Variants in AUTS2 observed in about 807,000 individuals in gnomAD.
The protein encoded by AUTS2 is autism susceptibility gene 2 protein.
In AUTS2, 17 loss-of-function variants were observed where a neutral mutation model predicts 112.4. The ratio of observed to expected loss-of-function variants is 0.15; its 90% CI spans 0.10 to 0.23. The LOEUF (loss-of-function observed/expected upper bound fraction) is 0.23, where lower values mean the gene tolerates loss of function less well. AUTS2 is among the 10% of genes least tolerant of loss of function. AUTS2 has a pLI of 1.00. For synonymous variants in AUTS2, 751 were observed against 702.7 expected (o/e 1.07, Z -1.09); for missense variants, 1,510 against 1,701.6 (o/e 0.89, Z 1.98).
intron 6 of AUTS2, among the ~76,000 whole-genome samples, chr7:70,734,482 A>G (rs1787663630): frequency 6.6e-6 from 1 of 151,872 alleles, no homozygotes; most frequent in South Asian, 2.1e-4. Context: ...AAATATTAGT[A>G]TGGGGATACA....
intron 4 of AUTS2, among the ~76,000 whole-genome samples, chr7:70,308,006 AAAT>A (rs910473268): frequency 6.6e-6 from 1 of 152,222 alleles, no homozygotes; most frequent in African/African-American, 2.4e-5. Flanking sequence ...ATGTTGCTAA[AAAT>A]AACTTTTGCT....
At chr7:69,861,198 C>T (rs188027695) in intron 1 of AUTS2, among the ~76,000 whole-genome samples, 1 of 152,268 alleles carries the variant, frequency 6.6e-6, no homozygotes, top group East Asian at 1.9e-4. Context: ...GCTGCTCTCC[C>T]CTTACCCCCT....
intron 2 of AUTS2, among the ~76,000 whole-genome samples, chr7:70,013,651 A>G (rs1799901042): frequency 6.6e-6 from 1 of 152,302 alleles, no homozygotes; most frequent in East Asian, 1.9e-4. Flanking sequence ...ATAGCTGAAG[A>G]CCATCTAGTA....
At chr7:70,331,537 T>C (rs547458895) in intron 4 of AUTS2, among the ~76,000 whole-genome samples, 22 of 143,994 alleles carry the variant, frequency 1.5e-4, no homozygotes, top group Non-Finnish European at 2.9e-4. Context: ...TTTTGAAGGG[T>C]TTTTCATGTC....
chr7:69,923,401 G>C (rs1186778771), intron 2 of AUTS2, among the ~76,000 whole-genome samples: 1 of 152,098 alleles, frequency 6.6e-6, no homozygotes, highest in African/African-American at 2.4e-5. Context: ...TTTGTAGTAA[G>C]TTTTGAAGTG....
chr7:70,182,218 C>T (rs1299613811), intron 4 of AUTS2, among the ~76,000 whole-genome samples: 2 of 152,196 alleles, frequency 1.3e-5, no homozygotes, highest in African/African-American at 4.8e-5. Context: ...CAAGAACCAT[C>T]CTAGCTTAAC....
chr7:70,562,917 A>G (rs1801550359), intron 5 of AUTS2, among the ~76,000 whole-genome samples: 1 of 152,186 alleles, frequency 6.6e-6, no homozygotes, highest in African/African-American at 2.4e-5. Context: ...AAATGTTGAC[A>G]TGGAGAAGAG....
At chr7:70,208,099 G>A (rs544176954) in intron 4 of AUTS2, among the ~76,000 whole-genome samples, 57 of 150,460 alleles carry the variant, frequency 3.8e-4, no homozygotes, top group Admixed American at 8.0e-4. Flanking sequence ...TATTGTATCT[G>A]CTTTCTACAC....
At chr7:70,444,373 T>TGTGTGTGTGA (rs372696006) in intron 5 of AUTS2, among the ~76,000 whole-genome samples, 145 of 142,492 alleles carry the variant, frequency 1.0e-3, no homozygotes, top group Non-Finnish European at 1.7e-3. Context: ...TGTGTGTGTG[T>TGTGTGTGTGA]GAGAGAGAGA....
intron 4 of AUTS2, among the ~76,000 whole-genome samples, chr7:70,230,641 C>G (rs1032329756): frequency 3.9e-5 from 6 of 152,240 alleles, no homozygotes; most frequent in African/African-American, 1.2e-4. Context: ...TCTGCAGGCT[C>G]TCTGAGCAAG....
chr7:70,603,488 G>A (rs985082576), intron 5 of AUTS2, among the ~76,000 whole-genome samples: 1 of 152,192 alleles, frequency 6.6e-6, no homozygotes, highest in East Asian at 1.9e-4. Context: ...TGGCACCCTG[G>A]CCTCTGTGCT....
chr7:70,116,096 T>C lies in AUTS2; in HGVS notation c.523-2036T>C, dbSNP rs62458801. On this transcript the variant is annotated intron_variant, in intron 2 of 18. Transcript: ENST00000342771. ...GACAATATTCTGAGCTTTTATTCCA[T>C]AGTAATAACAAAAGCCTCATACAAC... Among the ~76,000 whole-genome samples, 480 of 152,322 alleles carry C rather than the reference T, an allele frequency of 3.2e-3. 3 individuals are homozygous for C. The highest frequency in any genetic ancestry group is 5.2e-3 in the South Asian group (25 of 4,826).
chr7:69,909,147 T>C (rs905730186), intron 2 of AUTS2, among the ~76,000 whole-genome samples: 2 of 152,264 alleles, frequency 1.3e-5, no homozygotes, highest in African/African-American at 4.8e-5. Flanking sequence ...AAATTAATTT[T>C]ATCAATAATT....
intron 2 of AUTS2, among the ~76,000 whole-genome samples, chr7:70,086,268 C>T (rs537698869): frequency 2.0e-5 from 3 of 152,142 alleles, no homozygotes; most frequent in Non-Finnish European, 4.4e-5. Context: ...AAATTGATAT[C>T]TTAGCAGTAT....
intron 1 of AUTS2, among the ~76,000 whole-genome samples, chr7:69,671,081 A>G (rs1796299817): frequency 6.6e-6 from 1 of 152,214 alleles, no homozygotes; most frequent in Non-Finnish European, 1.5e-5. Context: ...GCAAAGTATA[A>G]AAAGAAATGT....
intron 2 of AUTS2, among the ~76,000 whole-genome samples, chr7:70,080,935 C>T (rs1803273966): frequency 6.6e-6 from 1 of 152,158 alleles, no homozygotes; most frequent in Non-Finnish European, 1.5e-5. Context: ...TCATTAGGAC[C>T]TCAGCAAGGC....
At chr7:70,005,757 A>G (rs1197640586) in intron 2 of AUTS2, among the ~76,000 whole-genome samples, 9 of 152,212 alleles carry the variant, frequency 5.9e-5, no homozygotes, top group Non-Finnish European at 1.2e-4. Context: ...GAAGCCTGAA[A>G]CAGGGAGATT....
intron 2 of AUTS2, among the ~76,000 whole-genome samples, chr7:70,090,940 A>C (rs1489878145): frequency 6.6e-6 from 1 of 152,056 alleles, no homozygotes; most frequent in African/African-American, 2.4e-5. Context: ...CTGCCTCCCA[A>C]AGTGCTGGGG....
At chr7:70,177,947 T>A (rs1246704307) in intron 4 of AUTS2, among the ~76,000 whole-genome samples, 1 of 151,106 alleles carries the variant, frequency 6.6e-6, no homozygotes, top group Non-Finnish European at 1.5e-5. Flanking sequence ...GGTGGAGTCT[T>A]GCGCTGTCAC....
Sources: gnomAD v4.1 joint callset for allele counts (sites outside exome capture counted in the v4.1 genomes callset) on GRCh38, gnomAD v4.1.1 for gene constraint, MANE v1.5 for transcripts, NCBI Gene and HGNC (gene_info 2026-07-23, HGNC 2026-07-21) for gene names.